Variants in AGPAT3 observed in about 807,000 individuals in gnomAD.
AGPAT3 encodes the protein 1-acylglycerol-3-phosphate O-acyltransferase 3.
A neutral mutation model predicts 47.3 loss-of-function variants in AGPAT3; 5 were observed. The ratio of observed to expected loss-of-function variants is 0.11; its 90% CI spans 0.06 to 0.22. The LOEUF (loss-of-function observed/expected upper bound fraction) is 0.22. AGPAT3 is among the 10% of genes least tolerant of loss of function. AGPAT3 has a pLI of 1.00. For missense variants in AGPAT3, 315 were observed against 493.0 expected (o/e 0.64, Z 3.42); for synonymous variants, 212 against 208.3 (o/e 1.02, Z -0.15).
At chr21:43,925,776 C>T (rs1033492552) in intron 2 of AGPAT3, among the ~76,000 whole-genome samples, 7 of 152,268 alleles carry the variant, frequency 4.6e-5, no homozygotes, top group African/African-American at 7.2e-5. Context: ...CTGTCTCCAG[C>T]GCCCACATTC....
intron 1 of AGPAT3, among the ~76,000 whole-genome samples, chr21:43,891,243 AC>A (rs1177807148): frequency 6.6e-6 from 1 of 152,158 alleles, no homozygotes; most frequent in Non-Finnish European, 1.5e-5. Context: ...AGTTTATGTA[AC>A]ACTCTGGATC....
In AGPAT3 at chr21:43,909,292, A is replaced by ATT. The variant is rs11365476; in HGVS notation, c.-49+5293_-49+5294dup. On this transcript the variant is annotated intron_variant, in intron 2 of 9. Coordinates refer to ENST00000291572, the MANE Select transcript of AGPAT3 (RefSeq NM_020132.5). Reference sequence around the variant, plus strand: ...GGTGGGCCACTCATTTTTCATACACATTTTTTTTTTTTTTTTTTTTTGAGA... The same window carrying ATT: ...GGTGGGCCACTCATTTTTCATACACATTTTTTTTTTTTTTTTTTTTTTTGAGA... Among the ~76,000 whole-genome samples the ATT allele has an allele frequency of 6.5e-4, 67 of 102,294 alleles. 2 individuals are homozygous for ATT. Among genetic ancestry groups the ATT allele is most frequent in the Middle Eastern group, 9.6e-3 (2 of 208 alleles). The allele number at this position is 102,294 out of a possible 152,430, so 67.1% of individuals were successfully genotyped here. A position where few individuals can be genotyped will look rare whatever the true frequency, so the allele number is the denominator to read the frequency against.
Position 43,952,626 on chromosome 21 carries a change from G to A in AGPAT3, c.-48-7008G>A, listed in dbSNP as rs2088253940. ...CACGCCCCAGGACCAAGATGTGCTGGCGCCAGGCTTCCGGGCAACCTAAAT... is the reference window on the plus strand; with the variant it reads ...CACGCCCCAGGACCAAGATGTGCTGACGCCAGGCTTCCGGGCAACCTAAAT... On this transcript the variant is annotated intron_variant, in intron 2 of 9. Transcript: ENST00000291572. This position sits in a 1 kb window ranked among gnomAD's most constrained non-coding sequence, Gnocchi z 5.6. Among the ~76,000 whole-genome samples, 1 of 152,214 alleles carries A rather than the reference G, an allele frequency of 6.6e-6. No homozygotes were observed. Among genetic ancestry groups the A allele is most frequent in the East Asian group, 1.9e-4 (1 of 5,196 alleles).
intron 1 of AGPAT3, among the ~76,000 whole-genome samples, chr21:43,873,420 G>T (rs912612434): frequency 6.6e-6 from 1 of 152,116 alleles, no homozygotes; most frequent in Admixed American, 6.6e-5. Flanking sequence ...TGAGGACTCC[G>T]GCTCTAGTAC....
rs371005778 is a variant in AGPAT3, at chr21:43,886,738, A to G, written c.-111-17219A>G. On this transcript the variant is annotated intron_variant, in intron 1 of 9. Transcript: ENST00000291572. ...CTGGCTTATTGCACTTAATATAATG[A>G]GCTCCAGTTCCATCCATGTTGTTGC... is the stretch of plus-strand genomic sequence containing the variant. Among the ~76,000 whole-genome samples the G allele has an allele frequency of 1.2e-4, 19 of 152,164 alleles. No homozygotes were observed. In the East Asian group the frequency reaches 1.5e-3, roughly 12 times the overall value.
Position 43,963,707 on chromosome 21 carries a change from C to CAAAA in AGPAT3, c.178+3868_178+3871dup, listed in dbSNP as rs10582784. Among the ~76,000 whole-genome samples the CAAAA allele has an allele frequency of 7.0e-3, 463 of 65,674 alleles. 5 individuals are homozygous for CAAAA. The highest frequency in any genetic ancestry group is 0.023 in the African/African-American group (396 of 16,856). 43.1% of individuals were successfully genotyped at this position (65,674 alleles called of 152,430 possible). ...TGGGTGACAGAGTGAGACTCTGTCTCAAAAAAAAAAAAAAAAAAAAAAAGA... is the reference window on the plus strand; with the variant it reads ...TGGGTGACAGAGTGAGACTCTGTCTCAAAAAAAAAAAAAAAAAAAAAAAAAAAGA... On this transcript the variant is annotated intron_variant, in intron 3 of 9. Coordinates refer to ENST00000291572, the MANE Select transcript of AGPAT3 (RefSeq NM_020132.5).
At chr21:43,879,728 T>C (rs2085814144) in intron 1 of AGPAT3, among the ~76,000 whole-genome samples, 1 of 152,182 alleles carries the variant, frequency 6.6e-6, no homozygotes, top group Non-Finnish European at 1.5e-5. Flanking sequence ...CCATGTTGTG[T>C]GTGGCTGTCT....
intron 8 of AGPAT3, 123 bp from the exon 9 acceptor site, chr21:43,980,866 C>G: frequency 1.1e-6 from 1 of 935,806 alleles, no homozygotes; most frequent in South Asian, 1.6e-5. Flanking sequence ...GATTTGTGCT[C>G]TTAATTGACG....
intron 1 of AGPAT3, among the ~76,000 whole-genome samples, chr21:43,888,213 A>AT (rs1188545555): frequency 6.6e-6 from 1 of 151,706 alleles, no homozygotes; most frequent in East Asian, 1.9e-4. Context: ...CTAATTTTTA[A>AT]TTTTTTTGTA....
chr21:43,958,000 C>T (rs1409113660), intron 2 of AGPAT3, among the ~76,000 whole-genome samples: 1 of 152,208 alleles, frequency 6.6e-6, no homozygotes, highest in African/African-American at 2.4e-5. Flanking sequence ...AGAAATCTTT[C>T]ACGCTTCAAA....
chr21:43,865,716 G>A (rs1398400712), intron 1 of AGPAT3, among the ~76,000 whole-genome samples: 2 of 151,552 alleles, frequency 1.3e-5, no homozygotes, highest in East Asian at 3.9e-4. Flanking sequence ...GAGGGAGGGC[G>A]AGTGGGTTCC....
chr21:43,958,151 C>T (rs1031837832), intron 2 of AGPAT3, among the ~76,000 whole-genome samples: 2 of 152,202 alleles, frequency 1.3e-5, no homozygotes, highest in African/African-American at 4.8e-5. Context: ...ATTATGATGC[C>T]TTCACCACAA....
chr21:43,882,687 A>G (rs2085879868), intron 1 of AGPAT3: 1 of 152,286 alleles, frequency 6.6e-6, no homozygotes, highest in Non-Finnish European at 1.5e-5. Flanking sequence ...TGCAACAGCA[A>G]ACACCCCTCC....
At chr21:43,866,765 G>T (rs1424418692) in intron 1 of AGPAT3, 1 of 152,300 alleles carries the variant, frequency 6.6e-6, no homozygotes, top group Non-Finnish European at 1.5e-5. Context: ...AAGGTGTAGG[G>T]GCCTTAAATA....
At position 43,981,692 on chromosome 21, in the gene AGPAT3, C is replaced by T. The variant is rs1322443093; in HGVS notation, c.1042+505C>T. On this transcript the variant is annotated intron_variant, in intron 9 of 9. Transcript: ENST00000291572. The surrounding 1 kb of genome is among the most constrained non-coding windows in gnomAD (Gnocchi z 5.3). ...CCCAGCCTGTCCCTGTGGTGAGCTC[C>T]GGCGCCCACCCACACCCCGTAATTG... 1.3e-5 allele frequency among the ~76,000 whole-genome samples: 2 copies of T among 152,106 alleles called. No homozygotes were observed. Among genetic ancestry groups the T allele is most frequent in the Admixed American group, 6.5e-5 (1 of 15,272 alleles).
intron 4 of AGPAT3, 62 bp downstream of exon 4, chr21:43,968,177 G>A: frequency 1.9e-6 from 3 of 1,548,350 alleles, no homozygotes; most frequent in Non-Finnish European, 2.6e-6. Flanking sequence ...GGCCGGGGGT[G>A]AGCGGGGACC....
intron 8 of AGPAT3, among the ~76,000 whole-genome samples, 199 bp from the exon 9 acceptor site, chr21:43,980,790 C>G (rs893806000): frequency 6.6e-6 from 1 of 152,220 alleles, no homozygotes; most frequent in Non-Finnish European, 1.5e-5. Context: ...CTTGCGAGCT[C>G]TCGATGCACG....
At chr21:43,905,029 G>A (rs1213931753) in intron 2 of AGPAT3, among the ~76,000 whole-genome samples, 4 of 152,040 alleles carry the variant, frequency 2.6e-5, no homozygotes, top group African/African-American at 7.2e-5. Flanking sequence ...CACCAAGCTC[G>A]GGCTTTCAGA....
intron 8 of AGPAT3, among the ~76,000 whole-genome samples, chr21:43,980,776 T>C (rs909363546): frequency 2.6e-5 from 4 of 152,210 alleles, no homozygotes; most frequent in South Asian, 2.1e-4. Context: ...AAAGGGTTGA[T>C]ATGCTTGCGA....
Sources: gnomAD v4.1 joint callset for allele counts (sites outside exome capture counted in the v4.1 genomes callset) on GRCh38, gnomAD v4.1.1 for gene constraint, Gnocchi (gnomAD v3.1) non-coding constraint, MANE v1.5 for transcripts, NCBI Gene and HGNC (gene_info 2026-07-23, HGNC 2026-07-21) for gene names.